The following PDLIM3 variants were observed in gnomAD, a reference collection of about 807,000 sequenced individuals.
PDLIM3 encodes PDZ and LIM domain protein 3.
PDLIM3 carries 36 observed loss-of-function variants against 37.3 expected under a neutral mutation model. The observed-to-expected ratio is 0.97, with a 90% CI of 0.74 to 1.28. The LOEUF (loss-of-function observed/expected upper bound fraction) is 1.28, where lower values mean the gene tolerates loss of function less well. PDLIM3 is among the 50% of genes most tolerant of loss of function. The pLI, the probability that PDLIM3 is intolerant of heterozygous loss-of-function variation, is 0.00. For synonymous variants in PDLIM3, 174 were observed against 182.4 expected (o/e 0.95, Z 0.37); for missense variants, 454 against 485.0 (o/e 0.94, Z 0.60).
chr4:185,525,293 A>G, intron 1 of PDLIM3, 122 bp from the exon 2 acceptor site: 1 of 944,236 alleles, frequency 1.1e-6, no homozygotes. Flanking sequence ...AAGACTGTAA[A>G]TCTAACTAAA....
At chr4:185,513,303 C>T (rs995712004) in intron 4 of PDLIM3, 1 of 985,176 alleles carries the variant, frequency 1.0e-6, no homozygotes, top group African/African-American at 1.7e-5. Context: ...TCACCTGGCT[C>T]TGCCTGTAGC....
chr4:185,523,042 C>G, intron 3 of PDLIM3: 1 of 266,622 alleles, frequency 3.8e-6, no homozygotes, highest in Non-Finnish European at 7.1e-6. Context: ...ACAACTTAAA[C>G]TCCTTAGATT....
At chr4:185,515,714 A>G (rs1262772007) in intron 3 of PDLIM3, 2 of 152,160 alleles carry the variant, frequency 1.3e-5, no homozygotes, top group Non-Finnish European at 2.9e-5. Flanking sequence ...CTGAGTTTGA[A>G]ACATGTCTGA....
At position 185,518,221 on chromosome 4, in the gene PDLIM3, A is replaced by T. The variant is rs76778549; in HGVS notation, c.331-3884T>A. Reference sequence around the variant, plus strand: ...GCTAGAGCTGCCCCAGTGAAAGCTAAGTAACTTGACAGAACTCTGCTGATG... The same window carrying T: ...GCTAGAGCTGCCCCAGTGAAAGCTATGTAACTTGACAGAACTCTGCTGATG... On this transcript the variant is annotated intron_variant, in intron 3 of 7. Transcript: ENST00000284767. Among the ~76,000 whole-genome samples the T allele has an allele frequency of 3.0e-3, 452 of 152,322 alleles. 7 individuals are homozygous for T. In the East Asian group the frequency reaches 0.064, roughly 21 times the overall value.
intron 3 of PDLIM3, among the ~76,000 whole-genome samples, chr4:185,521,678 A>G (rs2095723664): frequency 1.5e-5 from 1 of 65,752 alleles, no homozygotes; most frequent in African/African-American, 2.8e-5. Context: ...GGTGTGAGTC[A>G]ATGCGCCTGG....
rs753543916 is a variant in PDLIM3, at chr4:185,506,628, G to A, written c.687C>T (p.Pro229=). 3.4e-5 allele frequency: 55 copies of A among 1,606,968 alleles called. No homozygotes were observed. The highest frequency in any genetic ancestry group is 4.4e-5 in the Non-Finnish European group (52 of 1,179,894). The change falls in exon 6 of 8, where the codon CCC becomes CCT. Residue 229 remains proline, a synonymous_variant. Coordinates refer to ENST00000284767, the MANE Select transcript of PDLIM3 (RefSeq NM_014476.6). ...LMSEPTASVP[P]ESDVYRMLHD... ...GGAGCATCCGGTACACGTCCGACTCGGGGGGCACCGAGGCTGTGGGCTCGC... is the reference window on the plus strand; with the variant it reads ...GGAGCATCCGGTACACGTCCGACTCAGGGGGCACCGAGGCTGTGGGCTCGC...
intron 3 of PDLIM3, among the ~76,000 whole-genome samples, chr4:185,521,508 C>T (rs1180950418): frequency 1.6e-5 from 1 of 63,220 alleles, no homozygotes; most frequent in African/African-American, 2.8e-5. Flanking sequence ...GCACTCCTCC[C>T]ACCTCAGCCT....
At chr4:185,506,938 TAAG>T (rs2153332498) in intron 5 of PDLIM3, 1 of 366,444 alleles carries the variant, frequency 2.7e-6, no homozygotes, top group South Asian at 3.1e-5. Flanking sequence ...AAATAGTAAT[TAAG>T]AAGAACAAGA....
chr4:185,506,727 A>G (rs2095698218), intron 5 of PDLIM3, 75 bp from the exon 6 acceptor site: 4 of 1,405,172 alleles, frequency 2.8e-6, no homozygotes, highest in Non-Finnish European at 4.0e-6. Flanking sequence ...AGAGACATCA[A>G]TACTCAGCCA....
At chr4:185,534,786 A>G (rs112537365) in intron 1 of PDLIM3, among the ~76,000 whole-genome samples, 9,969 of 152,264 alleles carry the variant, frequency 0.065, 644 homozygotes, top group African/African-American at 0.17. Context: ...CATTAGGAAG[A>G]CTTCCCCTGT....
In PDLIM3 at chr4:185,502,368, A is replaced by C; in HGVS notation, c.1021T>G (p.Cys341Gly). The change falls in exon 8 of 8, where the codon TGC (cysteine) becomes GGC (glycine). Residue 341 changes from cysteine (C) to glycine (G), a missense_variant. Transcript: ENST00000284767. Reference protein sequence around the residue: ...GYFFIEGELYCETHARARTKP... With the variant: ...GYFFIEGELYGETHARARTKP... ...GTGCGGGCTCTTGCGTGGGTTTCGCAGTACAGCTCCCCTTCTATGAAGAAG... is the reference window on the plus strand; with the variant it reads ...GTGCGGGCTCTTGCGTGGGTTTCGCCGTACAGCTCCCCTTCTATGAAGAAG... 1 of 1,614,216 alleles carries C rather than the reference A, an allele frequency of 6.2e-7. No individual in the cohort carries two copies. Among genetic ancestry groups the C allele is most frequent in the Non-Finnish European group, 8.5e-7 (1 of 1,180,040 alleles).
At chr4:185,505,999 A>G (rs190370713) in intron 6 of PDLIM3, among the ~76,000 whole-genome samples, 4,877 of 152,274 alleles carry the variant, frequency 0.032, 260 homozygotes, top group African/African-American at 0.11. Flanking sequence ...CTCACTGGCT[A>G]TGTGGCCTTT....
intron 4 of PDLIM3, among the ~76,000 whole-genome samples, chr4:185,510,515 A>C (rs74959771): frequency 0.03 from 4,543 of 152,328 alleles, 224 homozygotes; most frequent in African/African-American, 0.1. Flanking sequence ...CTATTAGCAC[A>C]CAAATAGACT....
In PDLIM3 at chr4:185,523,465, T is replaced by C; in HGVS notation, c.246-19A>G. The C allele has an allele frequency of 6.7e-7, 1 of 1,484,682 alleles. No homozygotes were observed. The highest frequency in any genetic ancestry group is 1.7e-4 in the Middle Eastern group (1 of 5,838). The allele number at this position is 1,484,682 out of a possible 1,614,324, so 92.0% of individuals were successfully genotyped here. A position where few individuals can be genotyped will look rare whatever the true frequency, so the allele number is the denominator to read the frequency against. ...TTCTCCCCTGGAAATAAAATAAAATTTGTAAACTTCAAATTCTAATGGTAC... is the reference window on the plus strand; with the variant it reads ...TTCTCCCCTGGAAATAAAATAAAATCTGTAAACTTCAAATTCTAATGGTAC... On this transcript the variant is annotated intron_variant, in intron 2 of 7. Coordinates refer to ENST00000284767, the MANE Select transcript of PDLIM3 (RefSeq NM_014476.6).
In PDLIM3 at chr4:185,511,450, C is replaced by T. The variant is rs190031144; in HGVS notation, c.398+2820G>A. The stretch of plus-strand genomic sequence containing the variant: ...AATCTTGGCTCACCGCAACCTCTGC[C>T]TCCAGCTTCAAGTGATTCTCATGCC... On this transcript the variant is annotated intron_variant, in intron 4 of 7. Coordinates refer to ENST00000284767, the MANE Select transcript of PDLIM3 (RefSeq NM_014476.6). Among the ~76,000 whole-genome samples, 5 of 151,884 alleles carry T rather than the reference C, an allele frequency of 3.3e-5. No homozygotes were observed. The East Asian group carries it at 7.8e-4, about 24-fold the overall frequency.
chr4:185,508,402 G>A lies in PDLIM3; in HGVS notation c.559C>T (p.His187Tyr). 6.2e-7 allele frequency: 1 copy of A among 1,614,146 alleles called. No individual in the cohort carries two copies. Among genetic ancestry groups the A allele is most frequent in the African/African-American group, 1.3e-5 (1 of 75,032 alleles). The change falls in exon 5 of 8, where the codon CAT becomes TAT. Residue 187 changes from histidine (H) to tyrosine (Y), a missense_variant. Transcript: ENST00000284767. ...EMELPGVKIV[H>Y]AQFNTPMQLY... ...TGCATAGGTGTATTAAACTGAGCAT[G>A]TACAATCTTCACACCAGGAAGTTCC... is the stretch of plus-strand genomic sequence containing the variant.
chr4:185,510,813 A>T (rs2095705294), intron 4 of PDLIM3, among the ~76,000 whole-genome samples: 1 of 152,246 alleles, frequency 6.6e-6, no homozygotes, highest in Non-Finnish European at 1.5e-5. Flanking sequence ...TGAGTAATGA[A>T]CCCTAAGCAA....
intron 1 of PDLIM3, among the ~76,000 whole-genome samples, chr4:185,532,811 T>C (rs1433530410): frequency 3.9e-5 from 6 of 152,188 alleles, no homozygotes; most frequent in Non-Finnish European, 4.4e-5. Context: ...CTGTGTGAAT[T>C]GGACGGGGGA....
intron 3 of PDLIM3, chr4:185,516,417 C>A (rs2095714981): frequency 6.6e-6 from 1 of 152,124 alleles, no homozygotes; most frequent in South Asian, 2.1e-4. Context: ...TTCTCCTTTT[C>A]ATTTCAGATA....
Sources: allele counts gnomAD v4.1 joint callset (sites outside exome capture counted in the v4.1 genomes callset), GRCh38; gene constraint gnomAD v4.1.1; transcripts MANE v1.5; gene names NCBI Gene and HGNC (gene_info 2026-07-23, HGNC 2026-07-21).